Variants in CA12 observed in about 807,000 individuals in gnomAD.
CA12 encodes carbonic anhydrase 12, also known as carbonate dehydratase XII.
In CA12, 36 loss-of-function variants were observed where a neutral mutation model predicts 46.8. The observed-to-expected ratio is 0.77, with a 90% confidence interval of 0.59 to 1.02. The LOEUF (loss-of-function observed/expected upper bound fraction) is 1.02, where lower values mean the gene tolerates loss of function less well. Among genes scored for constraint, CA12 ranks in the 50% least tolerant of loss-of-function variants. The probability of loss-of-function intolerance (pLI) is 0.00; values close to 1 mark genes in which losing one functional copy is unlikely to be tolerated. For synonymous variants in CA12, 202 were observed against 187.0 expected (o/e 1.08, Z -0.65); for missense variants, 436 against 451.4 (o/e 0.97, Z 0.31).
chr15:63,327,516 T>TC lies in CA12; in HGVS notation c.908-284_908-283insG, dbSNP rs60340153. 2.6e-5 allele frequency among the ~76,000 whole-genome samples: 4 copies of TC among 151,594 alleles called. No homozygotes were observed. The highest frequency in any genetic ancestry group is 9.7e-5 in the African/African-American group (4 of 41,218). Reference sequence around the variant, plus strand: ...AAATGTAGGGTTTTTTTTTTTTTTTTAGCCCAACCCCCAGAGATTCAAAGT... The same window carrying TC: ...AAATGTAGGGTTTTTTTTTTTTTTTTCAGCCCAACCCCCAGAGATTCAAAGT... On this transcript the variant is annotated intron_variant, in intron 9 of 10. Coordinates refer to ENST00000178638, the MANE Select transcript of CA12 (RefSeq NM_001218.5). This position sits in a 1 kb window ranked among gnomAD's most constrained non-coding sequence, Gnocchi z 4.5.
At chr15:63,365,016 C>A (rs895213166) in intron 2 of CA12, among the ~76,000 whole-genome samples, 2 of 152,196 alleles carry the variant, frequency 1.3e-5, no homozygotes, top group African/African-American at 2.4e-5. Context: ...GGCACAATCA[C>A]AGTTCACTGC....
chr15:63,369,984 G>A (rs1245200242), intron 2 of CA12, among the ~76,000 whole-genome samples: 3 of 152,108 alleles, frequency 2.0e-5, no homozygotes, highest in African/African-American at 7.2e-5. Flanking sequence ...CTGCAATTCA[G>A]GAAAGATGAG....
chr15:63,350,346 A>T (rs940598751), intron 2 of CA12, among the ~76,000 whole-genome samples: 2 of 152,052 alleles, frequency 1.3e-5, no homozygotes, highest in African/African-American at 4.8e-5. Context: ...CCATTTTCCA[A>T]CTCAGTGTCA....
chr15:63,344,494 G>A (rs1028731522), intron 4 of CA12, among the ~76,000 whole-genome samples: 4 of 152,208 alleles, frequency 2.6e-5, no homozygotes, highest in Non-Finnish European at 5.9e-5. Context: ...TTAGCCTGGA[G>A]GAAATTTCAG....
rs542929593 is a variant in CA12 at position 63,331,277 on chromosome 15, G to C, written c.875-3147C>G. 1.1e-4 allele frequency among the ~76,000 whole-genome samples: 16 copies of C among 152,328 alleles called. No individual in the cohort carries two copies. In the South Asian group the frequency reaches 3.3e-3, roughly 32 times the overall value. On this transcript the variant is annotated intron_variant, in intron 8 of 10. Transcript: ENST00000178638. The surrounding 1 kb of genome is among the most constrained non-coding windows in gnomAD (Gnocchi z 5.3). Reference sequence around the variant, plus strand: ...CAGAGAACTAGAACCTGAGTGCGAAGCCAAAGCCTGTTTCCCAGCAGAGCC... The same window carrying C: ...CAGAGAACTAGAACCTGAGTGCGAACCCAAAGCCTGTTTCCCAGCAGAGCC...
rs973554686 is a variant in CA12 at position 63,378,813 on chromosome 15, A to G, written c.85+2823T>C. The G allele has an allele frequency of 7.2e-5, 11 of 152,258 alleles. No individual in the cohort carries two copies. Among genetic ancestry groups the G allele is most frequent in the Admixed American group, 2.6e-4 (4 of 15,282 alleles). 9.4% of individuals were successfully genotyped at this position (152,258 alleles called of 1,614,324 possible). A position where few individuals can be genotyped will look rare whatever the true frequency, so the allele number is the denominator to read the frequency against. On this transcript the variant is annotated intron_variant, in intron 1 of 10. Coordinates refer to ENST00000178638, the MANE Select transcript of CA12 (RefSeq NM_001218.5). This position sits in a 1 kb window ranked among gnomAD's most constrained non-coding sequence, Gnocchi z 4.8. Reference sequence around the variant, plus strand: ...TGTAAAATTCCACAAATAACAGAGGAGTTCACCCTTACTTTTCCCCTGAGG... The same window carrying G: ...TGTAAAATTCCACAAATAACAGAGGGGTTCACCCTTACTTTTCCCCTGAGG...
In CA12 at chr15:63,339,307, C is replaced by T. The variant is rs2039045415; in HGVS notation, c.748-362G>A. On this transcript the variant is annotated intron_variant, in intron 7 of 10. Transcript: ENST00000178638. This position sits in a 1 kb window ranked among gnomAD's most constrained non-coding sequence, Gnocchi z 4.3. ...TCCTCTCATGAACTTAAATTAGAGG[C>T]CAGCTCTCAACCAGAGGGTCGCAGG... 6.6e-6 allele frequency among the ~76,000 whole-genome samples: 1 copy of T among 152,072 alleles called. No individual in the cohort carries two copies. Among genetic ancestry groups the T allele is most frequent in the African/African-American group, 2.4e-5 (1 of 41,400 alleles).
intron 1 of CA12, among the ~76,000 whole-genome samples, chr15:63,376,600 T>TTCTTTCTTTCTTTCTCTC (rs10623502): frequency 5.3e-4 from 71 of 134,202 alleles, no homozygotes; most frequent in East Asian, 1.9e-3. Flanking sequence ...CTTTCTTTCT[T>TTCTTTCTTTCTTTCTCTC]TCTCTCTCTC....
At chr15:63,381,126 ATGAT>A (rs1351867427) in intron 1 of CA12, among the ~76,000 whole-genome samples, 1 of 152,048 alleles carries the variant, frequency 6.6e-6, no homozygotes, top group Non-Finnish European at 1.5e-5. Context: ...GAGAAAAACA[ATGAT>A]TAAGAATGGG....
chr15:63,367,612 G>C (rs938226605), intron 2 of CA12, among the ~76,000 whole-genome samples: 7 of 152,180 alleles, frequency 4.6e-5, no homozygotes, highest in African/African-American at 1.7e-4. Flanking sequence ...TCTGAGAACT[G>C]GATGGGTTGC....
intron 2 of CA12, among the ~76,000 whole-genome samples, chr15:63,369,310 G>C (rs1413586014): frequency 6.6e-6 from 1 of 152,194 alleles, no homozygotes; most frequent in Non-Finnish European, 1.5e-5. Flanking sequence ...TGGTGCTGTA[G>C]AGTTTACAAG....
chr15:63,358,572 C>T (rs2039320825), intron 2 of CA12, among the ~76,000 whole-genome samples: 1 of 152,186 alleles, frequency 6.6e-6, no homozygotes, highest in Non-Finnish European at 1.5e-5. Flanking sequence ...ATCCGCCTTC[C>T]CAGCACTCAT....
chr15:63,380,433 T>C (rs998034593), intron 1 of CA12, among the ~76,000 whole-genome samples: 1 of 152,184 alleles, frequency 6.6e-6, no homozygotes, highest in African/African-American at 2.4e-5. Flanking sequence ...GTTTCTCCCT[T>C]TGGTCTTGGA....
At chr15:63,353,835 C>T (rs1472763591) in intron 2 of CA12, among the ~76,000 whole-genome samples, 1 of 152,228 alleles carries the variant, frequency 6.6e-6, no homozygotes, top group Non-Finnish European at 1.5e-5. Context: ...ATGTGAGCCA[C>T]TGCACCCAGC....
At chr15:63,333,342 G>A (rs762826287) in intron 8 of CA12, among the ~76,000 whole-genome samples, 1 of 152,188 alleles carries the variant, frequency 6.6e-6, no homozygotes, top group African/African-American at 2.4e-5. Flanking sequence ...CCTGTGCCAC[G>A]GGCTGTGTTT....
At position 63,374,211 on chromosome 15, in the gene CA12, A is replaced by G. The variant is rs1315156313; in HGVS notation, c.106+1447T>C. Among the ~76,000 whole-genome samples, 1 of 151,816 alleles carries G rather than the reference A, an allele frequency of 6.6e-6. No homozygotes were observed. Among genetic ancestry groups the G allele is most frequent in the Admixed American group, 6.6e-5 (1 of 15,252 alleles). ...TATCTCTCTGACCTTAGAGCCCGTG[A>G]CTCCGCTATCAACCCTTCTCCACAT... On this transcript the variant is annotated intron_variant, in intron 2 of 10. Coordinates refer to ENST00000178638, the MANE Select transcript of CA12 (RefSeq NM_001218.5). The surrounding 1 kb of genome is among the most constrained non-coding windows in gnomAD (Gnocchi z 4.4).
At chr15:63,326,411 A>G in intron 10 of CA12, 54 bp from the exon 11 acceptor site, 1 of 1,442,168 alleles carries the variant, frequency 6.9e-7, no homozygotes, top group Non-Finnish European at 9.8e-7. Flanking sequence ...AGCGAGCCAG[A>G]GAGCAGCCTG....
At chr15:63,371,633 C>T (rs865888288) in intron 2 of CA12, among the ~76,000 whole-genome samples, 7 of 152,252 alleles carry the variant, frequency 4.6e-5, no homozygotes, top group African/African-American at 1.4e-4. Context: ...GCCATCCCAT[C>T]GCGTTTAAGA....
intron 1 of CA12, among the ~76,000 whole-genome samples, chr15:63,376,557 C>CCTTT (rs66768055): frequency 0.021 from 2,173 of 104,578 alleles, 51 homozygotes; most frequent in Middle Eastern, 0.041. Flanking sequence ...CTCTTTCTTT[C>CCTTT]CTTTCTTTCT....
Sources: gnomAD v4.1 joint callset for allele counts (sites outside exome capture counted in the v4.1 genomes callset) on GRCh38, gnomAD v4.1.1 for gene constraint, Gnocchi (gnomAD v3.1) non-coding constraint, MANE v1.5 for transcripts, NCBI Gene and HGNC (gene_info 2026-07-23, HGNC 2026-07-21) for gene names.